Variants in CFH observed in about 807,000 individuals in gnomAD.
The protein encoded by CFH is H factor 1 (complement).
CFH carries 53 observed loss-of-function variants against 147.3 expected under a neutral mutation model. The ratio of observed to expected loss-of-function variants is 0.36; its 90% CI spans 0.29 to 0.45. CFH has a LOEUF of 0.45. CFH is among the 20% of genes least tolerant of loss of function. The probability of loss-of-function intolerance (pLI) is 1.00; values close to 1 mark genes in which losing one functional copy is unlikely to be tolerated. For missense variants in CFH, 1,380 were observed against 1,498.0 expected (o/e 0.92, Z 1.30); for synonymous variants, 536 against 489.4 (o/e 1.10, Z -1.26).
intron 6 of CFH, among the ~76,000 whole-genome samples, chr1:196,682,480 CTTAA>C (rs1233782628): frequency 2.6e-5 from 4 of 151,510 alleles, no homozygotes; most frequent in Admixed American, 6.6e-5. Context: ...TCTTTCTATT[CTTAA>C]TTAACAAAAT....
At chr1:196,733,957 G>A (rs1669340427) in intron 15 of CFH, among the ~76,000 whole-genome samples, 1 of 152,000 alleles carries the variant, frequency 6.6e-6, no homozygotes, top group African/African-American at 2.4e-5. Flanking sequence ...TGCTATTAAG[G>A]AATGAAGTTT....
chr1:196,692,746 T>C (rs530760640), intron 9 of CFH, among the ~76,000 whole-genome samples: 56 of 41,758 alleles, frequency 1.3e-3, no homozygotes, highest in South Asian at 3.5e-3. Flanking sequence ...CTTCCTTTCT[T>C]TTTCTTTCTT....
At position 196,679,828 on chromosome 1, in the gene CFH, T is replaced by C. The variant is rs374215843; in HGVS notation, c.790+35T>C. ...CCTTTATTTTCTGGATCTTTATAAA[T>C]TTATCACATATTTTAATTAATTCTT... On this transcript the variant is annotated intron_variant, in intron 6 of 21. Transcript: ENST00000367429. 2.4e-4 allele frequency: 371 copies of C among 1,557,064 alleles called. 1 individual carries two copies. The Middle Eastern group carries it at 3.2e-3, about 13-fold the overall frequency.
At position 196,661,232 on chromosome 1, in the gene CFH, A is replaced by C. The variant is rs528388549; in HGVS notation, c.58+9057A>C. Among the ~76,000 whole-genome samples, 43 of 152,358 alleles carry C rather than the reference A, an allele frequency of 2.8e-4. 1 individual carries two copies. The highest frequency in any genetic ancestry group is 1.9e-3 in the East Asian group (10 of 5,192). Reference sequence around the variant, plus strand: ...TTTGCAAAAAGGTCAAGGGAAAATTAGTGCCCATAAAAACTTTCACATTAT... The same window carrying C: ...TTTGCAAAAAGGTCAAGGGAAAATTCGTGCCCATAAAAACTTTCACATTAT... On this transcript the variant is annotated intron_variant, in intron 1 of 21. Transcript: ENST00000367429.
intron 18 of CFH, chr1:196,741,315 A>G (rs574348094): frequency 1.1e-5 from 2 of 178,632 alleles, no homozygotes; most frequent in South Asian, 2.4e-4. Flanking sequence ...ATGACTGAGG[A>G]GGTGTCATGA....
At chr1:196,728,545 G>A in intron 15 of CFH, 23 bp downstream of exon 15, 1 of 1,608,560 alleles carries the variant, frequency 6.2e-7, no homozygotes, top group Non-Finnish European at 8.5e-7. Context: ...TTTGTTTTCA[G>A]AAATGTATTC....
intron 7 of CFH, among the ~76,000 whole-genome samples, chr1:196,687,622 GCACAGCTCCCACAAATC>G (rs2149087054): frequency 6.6e-6 from 1 of 151,960 alleles, no homozygotes; most frequent in African/African-American, 2.4e-5. Flanking sequence ...GGCCTTTAAG[GCACAGCTCCCACAAATC>G]CAAGACTCAA....
At chr1:196,661,836 G>A (rs1488368828) in intron 1 of CFH, among the ~76,000 whole-genome samples, 1 of 152,138 alleles carries the variant, frequency 6.6e-6, no homozygotes, top group Non-Finnish European at 1.5e-5. Context: ...TCAATTAATT[G>A]ATTGACATAC....
chr1:196,693,774 G>A (rs1668150291), intron 9 of CFH, among the ~76,000 whole-genome samples: 1 of 152,072 alleles, frequency 6.6e-6, no homozygotes, highest in Admixed American at 6.6e-5. Context: ...TTATTGCTAA[G>A]TATTATTCCA....
At chr1:196,714,982 A>C (rs1233161242) in intron 10 of CFH, among the ~76,000 whole-genome samples, 1 of 151,900 alleles carries the variant, frequency 6.6e-6, no homozygotes, top group African/African-American at 2.4e-5. Flanking sequence ...AATATTTAAT[A>C]TACTCATGTT....
intron 10 of CFH, among the ~76,000 whole-genome samples, chr1:196,714,201 G>T (rs1668791837): frequency 6.6e-6 from 1 of 151,910 alleles, no homozygotes; most frequent in African/African-American, 2.4e-5. Context: ...CTTTAGCTGA[G>T]ACCTTTATGA....
At chr1:196,685,347 G>A in intron 7 of CFH, 110 bp downstream of exon 7, 1 of 1,148,326 alleles carries the variant, frequency 8.7e-7, no homozygotes, top group Non-Finnish European at 1.3e-6. Flanking sequence ...TATATACAAA[G>A]TAAGGCTGTT....
intron 1 of CFH, among the ~76,000 whole-genome samples, chr1:196,657,460 C>A (rs1666742539): frequency 6.6e-6 from 1 of 152,064 alleles, no homozygotes; most frequent in Non-Finnish European, 1.5e-5. Flanking sequence ...TGGTGGGTTG[C>A]AAAACTTAAG....
At chr1:196,738,610 C>A (rs1652674521) in intron 17 of CFH, among the ~76,000 whole-genome samples, 1 of 152,246 alleles carries the variant, frequency 6.6e-6, no homozygotes, top group Non-Finnish European at 1.5e-5. Flanking sequence ...CTCCATGTCT[C>A]ACATTCAGGT....
At chr1:196,665,603 TTTA>T (rs974018592) in intron 1 of CFH, among the ~76,000 whole-genome samples, 1 of 152,050 alleles carries the variant, frequency 6.6e-6, no homozygotes, top group Non-Finnish European at 1.5e-5. Flanking sequence ...TTATTTTTTA[TTTA>T]TTATTATTAT....
chr1:196,734,257 C>A (rs968369111), intron 15 of CFH, among the ~76,000 whole-genome samples: 8 of 152,016 alleles, frequency 5.3e-5, no homozygotes, highest in African/African-American at 1.4e-4. Context: ...GTAGGAGTCC[C>A]TTTACTGGTC....
Position 196,672,998 on chromosome 1 carries a change from A to G in CFH, c.79A>G (p.Arg27Gly), listed in dbSNP as rs1381537563. ...VAEDCNELPPRRNTEILTGSW... is the reference protein window; with the variant it reads ...VAEDCNELPPGRNTEILTGSW... ...TGTAGATTGCAATGAACTTCCTCCA[A>G]GAAGAAATACAGAAATTCTGACAGG... is the stretch of plus-strand genomic sequence containing the variant. Residue 27 changes from arginine to glycine, a missense_variant, in exon 2 of 22, where the codon AGA (arginine) becomes GGA (glycine). Coordinates refer to ENST00000367429, the MANE Select transcript of CFH (RefSeq NM_000186.4). 4 of 1,613,924 alleles carry G rather than the reference A, an allele frequency of 2.5e-6. No homozygotes were observed. The highest frequency in any genetic ancestry group is 1.7e-5 in the Admixed American group (1 of 59,988).
At chr1:196,707,701 T>A (rs968504998) in intron 9 of CFH, among the ~76,000 whole-genome samples, 11 of 152,200 alleles carry the variant, frequency 7.2e-5, no homozygotes, top group African/African-American at 2.4e-4. Context: ...CTCAACCCTA[T>A]CTGAATGGAT....
At chr1:196,746,427 G>A (rs1018604397) in intron 21 of CFH, among the ~76,000 whole-genome samples, 1 of 152,214 alleles carries the variant, frequency 6.6e-6, no homozygotes, top group African/African-American at 2.4e-5. Flanking sequence ...CTCCAGCCTG[G>A]GTGACAAAGC....
Sources: gnomAD v4.1 joint callset for allele counts (sites outside exome capture counted in the v4.1 genomes callset) on GRCh38, gnomAD v4.1.1 for gene constraint, MANE v1.5 for transcripts, NCBI Gene and HGNC (gene_info 2026-07-23, HGNC 2026-07-21) for gene names.